GNA13: variants seen among roughly 807,000 people sequenced by gnomAD.
GNA13 encodes the protein G protein subunit alpha 13, also known as guanine nucleotide-binding protein subunit alpha-13.
GNA13 carries 4 observed loss-of-function variants against 33.5 expected under a neutral mutation model. That is an observed-to-expected ratio of 0.12 (90% confidence interval 0.06 to 0.27). GNA13 has a LOEUF of 0.27. Among genes scored for constraint, GNA13 ranks in the 10% least tolerant of loss-of-function variants. The pLI is 1.00. For synonymous variants in GNA13, 176 were observed against 183.8 expected, an observed-to-expected ratio of 0.96 and a Z score of 0.34; for missense variants, 319 against 487.2, an observed-to-expected ratio of 0.65 and a Z score of 3.25.
intron 2 of GNA13, chr17:65,051,805 A>C (rs1598502411): frequency 6.6e-6 from 1 of 152,236 alleles, no homozygotes; most frequent in African/African-American, 2.4e-5. Flanking sequence ...CAATACTGGC[A>C]GCTACGTAAT....
At position 65,010,233 on chromosome 17, in the gene GNA13, A is replaced by G. The variant is rs1906139936; in HGVS notation, c.*4024T>C. Among the ~76,000 whole-genome samples, 1 of 152,176 alleles carries G rather than the reference A, an allele frequency of 6.6e-6. No individual in the cohort carries two copies. The highest frequency in any genetic ancestry group is 1.5e-5 in the Non-Finnish European group (1 of 68,022). On this transcript the variant is annotated 3_prime_UTR_variant, in exon 4 of 4. Coordinates refer to ENST00000439174, the MANE Select transcript of GNA13 (RefSeq NM_006572.6). ...TAGTGGTACAAACACTGTACTCCAA[A>G]TGATGTTGTTAATCACCTACCAGCC...
In GNA13 at chr17:65,018,311, C is replaced by G. The variant is rs757278480; in HGVS notation, c.511-8G>C. 4.3e-6 allele frequency: 6 copies of G among 1,401,338 alleles called. No homozygotes were observed. The African/African-American group carries it at 5.7e-5, about 13-fold the overall frequency. The allele number at this position is 1,401,338 out of a possible 1,614,324, so 86.8% of individuals were successfully genotyped here. A position where few individuals can be genotyped will look rare whatever the true frequency, so the allele number is the denominator to read the frequency against. Reference sequence around the variant, plus strand: ...ATATTTTACAGATTCACCCTAAAAACAAGAAGAAAACAAATAGTTATTAGG... The same window carrying G: ...ATATTTTACAGATTCACCCTAAAAAGAAGAAGAAAACAAATAGTTATTAGG... On this transcript the variant is annotated splice_region_variant and splice_polypyrimidine_tract_variant and intron_variant, in intron 2 of 3. Transcript: ENST00000439174.
chr17:65,048,364 G>A (rs1417092037), intron 2 of GNA13, among the ~76,000 whole-genome samples: 2 of 151,980 alleles, frequency 1.3e-5, no homozygotes, highest in African/African-American at 2.4e-5. Flanking sequence ...TCTAGCTATT[G>A]TCACATAAGA....
At chr17:65,024,876 C>T (rs1381933365) in intron 2 of GNA13, among the ~76,000 whole-genome samples, 2 of 152,122 alleles carry the variant, frequency 1.3e-5, no homozygotes, top group African/African-American at 4.8e-5. Context: ...TCTTACTGTA[C>T]AAGTGGGCTT....
chr17:65,026,768 A>G (rs1201825265), intron 2 of GNA13, among the ~76,000 whole-genome samples: 1 of 151,760 alleles, frequency 6.6e-6, no homozygotes, highest in African/African-American at 2.4e-5. Context: ...AGCACATTCA[A>G]TTTTTTGTTT....
intron 2 of GNA13, among the ~76,000 whole-genome samples, chr17:65,051,503 T>C (rs1907856908): frequency 1.3e-5 from 2 of 152,052 alleles, no homozygotes; most frequent in African/African-American, 4.8e-5. Context: ...TAATCTCAGC[T>C]ACTTGGGAGG....
Position 65,013,401 on chromosome 17 carries a change from C to T in GNA13, c.*856G>A. On this transcript the variant is annotated 3_prime_UTR_variant, in exon 4 of 4. Transcript: ENST00000439174. ...AAGTCAAATACATGACATTCTGGAA[C>T]AGGTTAAGTTTATTTAGAAAGTTCT... The T allele has an allele frequency of 4.8e-6, 1 of 210,330 alleles. No homozygotes were observed. The highest frequency in any genetic ancestry group is 7.2e-5 in the East Asian group (1 of 13,930). 13.0% of individuals were successfully genotyped at this position (210,330 alleles called of 1,614,324 possible).
chr17:65,037,515 T>C, intron 2 of GNA13, among the ~76,000 whole-genome samples: 1 of 152,130 alleles, frequency 6.6e-6, no homozygotes, highest in Admixed American at 6.6e-5. Context: ...CACTTTTTTC[T>C]TCTTGAAACA....
rs375336540 is a variant in GNA13, at chr17:65,056,305, C to T, written c.283+6G>A. On this transcript the variant is annotated splice_donor_region_variant and intron_variant, in intron 1 of 3. Coordinates refer to ENST00000439174, the MANE Select transcript of GNA13 (RefSeq NM_006572.6). ...TAACCCCCGGCCCCCATTCCCGGCC[C>T]GGCACCTTTGATCACGTTGCTGTAG... 1.2e-6 allele frequency: 2 copies of T among 1,603,840 alleles called. No individual in the cohort carries two copies. The highest frequency in any genetic ancestry group is 1.7e-6 in the Non-Finnish European group (2 of 1,178,002).
intron 2 of GNA13, among the ~76,000 whole-genome samples, chr17:65,038,488 C>T (rs1598493021): frequency 6.6e-6 from 1 of 152,274 alleles, no homozygotes; most frequent in East Asian, 1.9e-4. Context: ...TCACGGCTCA[C>T]TGCAGCCTCA....
chr17:65,056,287 C>G (rs1308036208), intron 1 of GNA13, 24 bp downstream of exon 1: 1 of 1,574,268 alleles, frequency 6.4e-7, no homozygotes, highest in South Asian at 1.1e-5. Context: ...CCTTAACCCC[C>G]GGCCCCCATT....
Position 65,010,815 on chromosome 17 carries a change from T to C in GNA13, c.*3442A>G, listed in dbSNP as rs1906162350. 4.7e-6 allele frequency: 1 copy of C among 211,168 alleles called. No individual in the cohort carries two copies. The highest frequency in any genetic ancestry group is 9.6e-6 in the Non-Finnish European group (1 of 104,036). The allele number at this position is 211,168 out of a possible 1,614,324, so 13.1% of individuals were successfully genotyped here. A position where few individuals can be genotyped will look rare whatever the true frequency, so the allele number is the denominator to read the frequency against. ...AAGAAATTAACACTGATATTTAGCC[T>C]TCTCATGACATACACAGAAATAACA... On this transcript the variant is annotated 3_prime_UTR_variant, in exon 4 of 4. Transcript: ENST00000439174.
intron 2 of GNA13, among the ~76,000 whole-genome samples, chr17:65,029,620 A>G (rs1224098518): frequency 3.0e-5 from 1 of 33,550 alleles, no homozygotes; most frequent in African/African-American, 3.2e-5. Flanking sequence ...TTTTGCACTT[A>G]CGGTTTATAC....
intron 2 of GNA13, among the ~76,000 whole-genome samples, chr17:65,047,536 A>C (rs912693478): frequency 1.3e-5 from 2 of 152,220 alleles, no homozygotes; most frequent in Non-Finnish European, 2.9e-5. Flanking sequence ...TCCTTGCTTG[A>C]CTATACTTAT....
At position 65,010,117 on chromosome 17, in the gene GNA13, G is replaced by A. The variant is rs1308131174; in HGVS notation, c.*4140C>T. Among the ~76,000 whole-genome samples the A allele has an allele frequency of 2.0e-5, 3 of 152,084 alleles. No individual in the cohort carries two copies. Among genetic ancestry groups the A allele is most frequent in the African/African-American group, 7.2e-5 (3 of 41,404 alleles). The stretch of plus-strand genomic sequence containing the variant: ...CAAAACAATGTTCATATAAGCTCTC[G>A]CATTTGAAACCAGATGGTAAGACCT... On this transcript the variant is annotated 3_prime_UTR_variant, in exon 4 of 4. Transcript: ENST00000439174.
chr17:65,018,282 G>C lies in GNA13; in HGVS notation c.532C>G (p.Leu178Val). The C allele has an allele frequency of 6.6e-7, 1 of 1,523,936 alleles. No individual in the cohort carries two copies. The highest frequency in any genetic ancestry group is 9.1e-7 in the Non-Finnish European group (1 of 1,098,054). 94.4% of individuals were successfully genotyped at this position (1,523,936 alleles called of 1,614,324 possible). The stretch of plus-strand genomic sequence containing the variant: ...TCTCCAAGTTTATCCAAGTTATCCA[G>C]GAAATATTTTACAGATTCACCCTAA... ...FQLGESVKYF[L>V]DNLDKLGEPD... Residue 178 changes from leucine to valine, a missense_variant, in exon 3 of 4, where the codon CTG (leucine) becomes GTG (valine). This residue lies in a region of GNA13 where 136 missense variants were observed against 159.3 expected (regional missense o/e 0.85). Coordinates refer to ENST00000439174, the MANE Select transcript of GNA13 (RefSeq NM_006572.6).
chr17:65,031,472 T>C (rs997824458), intron 2 of GNA13, among the ~76,000 whole-genome samples: 2 of 152,210 alleles, frequency 1.3e-5, no homozygotes, highest in Admixed American at 6.5e-5. Context: ...TATAAGTCCT[T>C]TGTTGTGCAA....
In GNA13 at chr17:65,013,932, C is replaced by A. The variant is rs1251050516; in HGVS notation, c.*325G>T. The A allele has an allele frequency of 3.1e-6, 1 of 318,042 alleles. No individual in the cohort carries two copies. The highest frequency in any genetic ancestry group is 5.9e-6 in the Non-Finnish European group (1 of 170,566). The allele number at this position is 318,042 out of a possible 1,614,324, so 19.7% of individuals were successfully genotyped here. Reference sequence around the variant, plus strand: ...AGGACACCTTTGATACTTGGCACTGCAGGAGAATTCAGTTTGGAAAGTAGA... The same window carrying A: ...AGGACACCTTTGATACTTGGCACTGAAGGAGAATTCAGTTTGGAAAGTAGA... On this transcript the variant is annotated 3_prime_UTR_variant, in exon 4 of 4. Transcript: ENST00000439174.
rs181744139 is a variant in GNA13 at position 65,028,083 on chromosome 17, G to A, written c.511-9780C>T. 1.2e-3 allele frequency among the ~76,000 whole-genome samples: 181 copies of A among 152,300 alleles called. 1 individual carries two copies. Among genetic ancestry groups the A allele is most frequent in the African/African-American group, 3.5e-3 (144 of 41,566 alleles). ...CTACTAAAAATACAAAAAATCAGCC[G>A]GGCGCGGTGGCGGGTGCCTGTAGTC... On this transcript the variant is annotated intron_variant, in intron 2 of 3. Transcript: ENST00000439174.
Sources: gnomAD v4.1 joint callset for allele counts (sites outside exome capture counted in the v4.1 genomes callset) on GRCh38, gnomAD v4.1.1 for gene constraint, gnomAD v4.1.1 regional missense constraint, MANE v1.5 for transcripts, NCBI Gene and HGNC (gene_info 2026-07-23, HGNC 2026-07-21) for gene names.